The following PARD3 variants were observed in gnomAD, a reference collection of about 807,000 sequenced individuals.
PARD3 encodes partitioning defective 3 homolog.
PARD3 carries 75 observed loss-of-function variants against 155.4 expected under a neutral mutation model. The ratio of observed to expected loss-of-function variants is 0.48; its 90% CI spans 0.40 to 0.58. The LOEUF is 0.58. Among genes scored for constraint, PARD3 ranks in the 20% least tolerant of loss-of-function variants. The pLI, the probability that PARD3 is intolerant of heterozygous loss-of-function variation, is 0.00. For synonymous variants in PARD3, 576 were observed against 610.5 expected (o/e 0.94, Z 0.83); for missense variants, 1,642 against 1,721.7 (o/e 0.95, Z 0.82).
intron 1 of PARD3, among the ~76,000 whole-genome samples, chr10:34,737,510 G>C (rs376015767): frequency 6.6e-6 from 1 of 152,186 alleles, no homozygotes; most frequent in African/African-American, 2.4e-5. Context: ...CATTCTATTT[G>C]GGGGAGGCAA....
At chr10:34,797,344 G>T (rs1195845901) in intron 1 of PARD3, among the ~76,000 whole-genome samples, 5 of 152,146 alleles carry the variant, frequency 3.3e-5, no homozygotes, top group Admixed American at 3.3e-4. Context: ...GTAGAGACAG[G>T]GTCTCACTGT....
At position 34,347,968 on chromosome 10, in the gene PARD3, T is replaced by C. The variant is rs758519931; in HGVS notation, c.2215A>G (p.Met739Val). Residue 739 changes from methionine to valine, a missense_variant, in exon 15 of 25, where the codon ATG becomes GTG. Met to Val is a conservative substitution (Grantham distance 21). Transcript: ENST00000374788. ...PSRNAALSRI[M>V]GKYQLSPTVN... ...AACAGAGTTTTACCTGACTCACCCA[T>C]TATCCTACTGAGGGCAGCATTTCTG... The C allele has an allele frequency of 1.9e-6, 3 of 1,610,438 alleles. No individual in the cohort carries two copies. In the South Asian group the frequency reaches 3.3e-5, roughly 18 times the overall value.
intron 2 of PARD3, among the ~76,000 whole-genome samples, chr10:34,606,156 A>ATGTGTGTG (rs59792013): frequency 1.3e-4 from 16 of 126,560 alleles, no homozygotes; most frequent in East Asian, 9.5e-4. Context: ...ATAAAGGGAA[A>ATGTGTGTG]TGTGTGTGTG....
At chr10:34,296,675 T>G (rs1956926588) in intron 20 of PARD3, among the ~76,000 whole-genome samples, 1 of 152,258 alleles carries the variant, frequency 6.6e-6, no homozygotes, top group African/African-American at 2.4e-5. Flanking sequence ...ATGTGATTAT[T>G]TCTCAATACA....
At chr10:34,666,398 CTG>C (rs2093472096) in intron 2 of PARD3, among the ~76,000 whole-genome samples, 1 of 152,104 alleles carries the variant, frequency 6.6e-6, no homozygotes, top group Non-Finnish European at 1.5e-5. Flanking sequence ...ATAAAAATGT[CTG>C]AGAATCTCAA....
chr10:34,546,908 GT>G (rs1191524531), intron 2 of PARD3, among the ~76,000 whole-genome samples: 1 of 152,186 alleles, frequency 6.6e-6, no homozygotes, highest in Non-Finnish European at 1.5e-5. Flanking sequence ...AGTTATTACT[GT>G]CAGAACACAA....
intron 22 of PARD3, among the ~76,000 whole-genome samples, chr10:34,255,421 T>G (rs1954606324): frequency 6.6e-6 from 1 of 152,248 alleles, no homozygotes; most frequent in Non-Finnish European, 1.5e-5. Context: ...AACTTGGAGT[T>G]AAATTTTTAT....
intron 22 of PARD3, among the ~76,000 whole-genome samples, chr10:34,179,157 T>A (rs948224393): frequency 1.4e-5 from 2 of 138,868 alleles, no homozygotes; most frequent in African/African-American, 6.1e-5. Flanking sequence ...ATAGCACGCA[T>A]GTGCGTGCGC....
chr10:34,330,244 T>C (rs1333849378), intron 19 of PARD3, among the ~76,000 whole-genome samples: 1 of 152,214 alleles, frequency 6.6e-6, no homozygotes. Context: ...TCTTAGTAAA[T>C]ATATCGGTAG....
Position 34,284,185 on chromosome 10 carries a change from T to C in PARD3, c.3126A>G (p.Glu1042=). 6.2e-7 allele frequency: 1 copy of C among 1,611,018 alleles called. No individual in the cohort carries two copies. Among genetic ancestry groups the C allele is most frequent in the Non-Finnish European group, 8.5e-7 (1 of 1,178,606 alleles). The part of the protein sequence containing the change: ...IEKTGKIKIQ[E]SFTSEEERIR... ...TCCTCTCCTCTTCTGATGTAAAGGA[T>C]TCCTGTATTTTTATTTTACCCGTTT... is the stretch of plus-strand genomic sequence containing the variant. The change falls in exon 21 of 25, where the codon GAA becomes GAG. Residue 1042 remains glutamate (E), a synonymous_variant. Coordinates refer to ENST00000374788, the MANE Select transcript of PARD3 (RefSeq NM_001184785.2).
chr10:34,693,820 ATAAAT>A (rs979375798), intron 2 of PARD3, among the ~76,000 whole-genome samples: 2 of 152,174 alleles, frequency 1.3e-5, no homozygotes, highest in African/African-American at 4.8e-5. Context: ...CTCTAAATAA[ATAAAT>A]TAAATTAAAA....
intron 2 of PARD3, among the ~76,000 whole-genome samples, chr10:34,629,967 A>C (rs1302577727): frequency 6.6e-6 from 1 of 152,202 alleles, no homozygotes; most frequent in Non-Finnish European, 1.5e-5. Context: ...AAACACACAA[A>C]GAATACATGC....
intron 1 of PARD3, among the ~76,000 whole-genome samples, chr10:34,704,661 C>A (rs1410153370): frequency 5.3e-5 from 8 of 152,152 alleles, no homozygotes; most frequent in African/African-American, 1.9e-4. Context: ...TTGGAAAAGG[C>A]AACCTCTCCC....
At chr10:34,256,311 G>A (rs1453121012) in intron 22 of PARD3, among the ~76,000 whole-genome samples, 1 of 152,230 alleles carries the variant, frequency 6.6e-6, no homozygotes, top group Non-Finnish European at 1.5e-5. Context: ...ACACTCTGCA[G>A]CTTTGGTCAT....
intron 2 of PARD3, among the ~76,000 whole-genome samples, chr10:34,655,992 A>C (rs1332302581): frequency 6.6e-6 from 1 of 152,200 alleles, no homozygotes; most frequent in African/African-American, 2.4e-5. Context: ...CGTGTTCTTC[A>C]ACGTGAACTC....
At chr10:34,352,561 G>A (rs1589271892) in intron 14 of PARD3, among the ~76,000 whole-genome samples, 1 of 152,214 alleles carries the variant, frequency 6.6e-6, no homozygotes, top group African/African-American at 2.4e-5. Context: ...TGGCGGGGCT[G>A]GTCTCCAGCT....
chr10:34,537,195 G>A (rs1205982969), intron 2 of PARD3, among the ~76,000 whole-genome samples: 1 of 152,110 alleles, frequency 6.6e-6, no homozygotes, highest in Non-Finnish European at 1.5e-5. Flanking sequence ...TAGAGACAGG[G>A]TCTCAATGTA....
chr10:34,227,295 A>G (rs1221154635), intron 22 of PARD3, among the ~76,000 whole-genome samples: 1 of 152,222 alleles, frequency 6.6e-6, no homozygotes, highest in East Asian at 1.9e-4. Context: ...TTAGAGAAAT[A>G]TAAATCAAAA....
intron 5 of PARD3, among the ~76,000 whole-genome samples, chr10:34,419,377 C>T (rs1031437469): frequency 2.6e-5 from 4 of 152,034 alleles, no homozygotes; most frequent in African/African-American, 9.7e-5. Flanking sequence ...ATTAACCAGG[C>T]ATGGTGGCAT....
Sources: allele counts gnomAD v4.1 joint callset (sites outside exome capture counted in the v4.1 genomes callset), GRCh38; gene constraint gnomAD v4.1.1; transcripts MANE v1.5; gene names NCBI Gene and HGNC (gene_info 2026-07-23, HGNC 2026-07-21).